Variants in CEP70 observed in about 807,000 individuals in gnomAD.
CEP70 encodes centrosomal protein 70.
CEP70 carries 70 observed loss-of-function variants against 90.9 expected under a neutral mutation model. The ratio of observed to expected loss-of-function variants is 0.77; its 90% CI spans 0.64 to 0.94. CEP70 has a LOEUF of 0.94. Among genes scored for constraint, CEP70 ranks in the 40% least tolerant of loss-of-function variants. CEP70 has a pLI of 0.00. For synonymous variants in CEP70, 220 were observed against 228.3 expected (o/e 0.96, Z 0.33); for missense variants, 648 against 669.0 (o/e 0.97, Z 0.35).
chr3:138,581,432 A>G (rs551244538), intron 2 of CEP70, among the ~76,000 whole-genome samples: 35 of 151,174 alleles, frequency 2.3e-4, no homozygotes, highest in African/African-American at 8.2e-4. Context: ...GGCCGGGCGC[A>G]GTGGCTCATG....
intron 6 of CEP70, 122 bp from the exon 7 acceptor site, chr3:138,537,469 G>C (rs1226100433): frequency 3.6e-6 from 2 of 553,424 alleles, no homozygotes; most frequent in Non-Finnish European, 5.9e-6. Flanking sequence ...AAGAACTTCA[G>C]TATTGAGGCT....
At chr3:138,526,518 A>G (rs1171240682) in intron 10 of CEP70, among the ~76,000 whole-genome samples, 1 of 152,144 alleles carries the variant, frequency 6.6e-6, no homozygotes, top group African/African-American at 2.4e-5. Flanking sequence ...TTCACCCCAG[A>G]GTTTGGGACA....
At chr3:138,562,093 G>C (rs2040452408) in intron 6 of CEP70, among the ~76,000 whole-genome samples, 1 of 149,918 alleles carries the variant, frequency 6.7e-6, no homozygotes, top group South Asian at 2.1e-4. Flanking sequence ...TCAAGCAGAA[G>C]AAAGGATATC....
At chr3:138,524,483 G>A (rs529142694) in intron 11 of CEP70, among the ~76,000 whole-genome samples, 69 of 152,200 alleles carry the variant, frequency 4.5e-4, no homozygotes, top group African/African-American at 1.4e-3. Flanking sequence ...GCGACCTACA[G>A]AATGGGAGAA....
intron 11 of CEP70, among the ~76,000 whole-genome samples, chr3:138,519,343 T>C (rs926124240): frequency 1.3e-5 from 2 of 152,052 alleles, no homozygotes; most frequent in African/African-American, 4.8e-5. Flanking sequence ...GCCACAAAGA[T>C]ACTCCTCGAG....
intron 2 of CEP70, 21 bp from the exon 3 acceptor site, chr3:138,572,953 A>G: frequency 6.4e-7 from 1 of 1,574,236 alleles, no homozygotes; most frequent in Non-Finnish European, 8.7e-7. Context: ...ATCAAAAGAA[A>G]CAGAAATTGG....
intron 11 of CEP70, among the ~76,000 whole-genome samples, chr3:138,509,862 C>A (rs2108726010): frequency 6.6e-6 from 1 of 152,100 alleles, no homozygotes; most frequent in Middle Eastern, 3.4e-3. Flanking sequence ...ATTATCAGAT[C>A]AACTGTTGGG....
rs199603422 is a variant in CEP70, at chr3:138,524,188, C to G, written c.944+1302G>C. On this transcript the variant is annotated intron_variant, in intron 11 of 17. Coordinates refer to ENST00000264982, the MANE Select transcript of CEP70 (RefSeq NM_024491.4). ...GCTAGCCATATGTAGAAAGCTGAAA[C>G]TGGATTCCTTCCTTACACCTTATAC... is the stretch of plus-strand genomic sequence containing the variant. Among the ~76,000 whole-genome samples, 4 of 151,708 alleles carry G rather than the reference C, an allele frequency of 2.6e-5. No individual in the cohort carries two copies. In the East Asian group the frequency reaches 5.8e-4, roughly 22 times the overall value.
chr3:138,520,874 T>G (rs2036550567), intron 11 of CEP70, among the ~76,000 whole-genome samples: 1 of 152,142 alleles, frequency 6.6e-6, no homozygotes, highest in Non-Finnish European at 1.5e-5. Flanking sequence ...GGCTGGACTG[T>G]ACTGCCGCGA....
chr3:138,556,246 C>T (rs749814950), intron 6 of CEP70, among the ~76,000 whole-genome samples: 32 of 152,074 alleles, frequency 2.1e-4, no homozygotes, highest in Admixed American at 1.2e-3. Context: ...AAAGATACAA[C>T]GGGCCGGGCA....
At chr3:138,580,994 T>C (rs958448661) in intron 2 of CEP70, among the ~76,000 whole-genome samples, 1 of 151,728 alleles carries the variant, frequency 6.6e-6, no homozygotes, top group East Asian at 1.9e-4. Flanking sequence ...GAAAAAAGAA[T>C]AAAAAACAGG....
At chr3:138,561,693 A>G (rs533103542) in intron 6 of CEP70, among the ~76,000 whole-genome samples, 1 of 152,292 alleles carries the variant, frequency 6.6e-6, no homozygotes, top group East Asian at 1.9e-4. Flanking sequence ...AGAGAAGAAC[A>G]TAAATAACCT....
intron 12 of CEP70, among the ~76,000 whole-genome samples, chr3:138,507,724 T>G (rs1341603095): frequency 6.6e-6 from 1 of 152,194 alleles, no homozygotes; most frequent in Non-Finnish European, 1.5e-5. Context: ...GAATAGGGAC[T>G]GCTAACTATA....
Position 138,497,417 on chromosome 3 carries a change from T to G in CEP70, c.1732+614A>C. On this transcript the variant is annotated intron_variant, in intron 17 of 17. Coordinates refer to ENST00000264982, the MANE Select transcript of CEP70 (RefSeq NM_024491.4). ...ACTTTAAAACTTTAAAAATCATTCT[T>G]AATAGTAAGATAAATAATTTTATAG... The G allele has an allele frequency of 2.6e-6, 3 of 1,136,874 alleles. No homozygotes were observed. The Middle Eastern group carries it at 1.2e-3, about 437-fold the overall frequency. The allele number at this position is 1,136,874 out of a possible 1,614,324, so 70.4% of individuals were successfully genotyped here. A position where few individuals can be genotyped will look rare whatever the true frequency, so the allele number is the denominator to read the frequency against.
At chr3:138,525,036 T>G (rs1215083798) in intron 11 of CEP70, among the ~76,000 whole-genome samples, 2 of 152,124 alleles carry the variant, frequency 1.3e-5, no homozygotes, top group Admixed American at 6.6e-5. Context: ...AATGATAGAC[T>G]GGATTAAGAA....
At chr3:138,554,853 T>C (rs1199188147) in intron 6 of CEP70, among the ~76,000 whole-genome samples, 1 of 152,206 alleles carries the variant, frequency 6.6e-6, no homozygotes, top group African/African-American at 2.4e-5. Context: ...TTTCCCACTC[T>C]GTGGGTTGTT....
In CEP70 at chr3:138,582,912, C is replaced by T. The variant is rs138370086; in HGVS notation, c.-6+8942G>A. ...AAACATACCACCTAAGAAAAATCAC[C>T]TTCACTAAAAAAAGATAGGAAAGAA... On this transcript the variant is annotated intron_variant, in intron 2 of 17. Coordinates refer to ENST00000264982, the MANE Select transcript of CEP70 (RefSeq NM_024491.4). Among the ~76,000 whole-genome samples the T allele has an allele frequency of 4.4e-3, 661 of 151,718 alleles. 6 individuals carry two copies. The highest frequency in any genetic ancestry group is 0.041 in the Middle Eastern group (12 of 294).
chr3:138,531,291 T>C (rs2037789001), intron 8 of CEP70, among the ~76,000 whole-genome samples: 1 of 152,136 alleles, frequency 6.6e-6, no homozygotes, highest in Non-Finnish European at 1.5e-5. Flanking sequence ...CAAGTACCTC[T>C]CACATCATAT....
chr3:138,555,811 T>G (rs998464642), intron 6 of CEP70, among the ~76,000 whole-genome samples: 10 of 152,326 alleles, frequency 6.6e-5, no homozygotes, highest in African/African-American at 2.2e-4. Flanking sequence ...TCTACACTGC[T>G]GGTGGGAATG....
Sources: allele counts gnomAD v4.1 joint callset (sites outside exome capture counted in the v4.1 genomes callset), GRCh38; gene constraint gnomAD v4.1.1; transcripts MANE v1.5; gene names NCBI Gene and HGNC (gene_info 2026-07-23, HGNC 2026-07-21).